The following SP3 variants were observed in gnomAD, a reference collection of about 807,000 sequenced individuals.
SP3 encodes the protein Sp3 transcription factor.
Under a neutral mutation model 70.3 loss-of-function variants are expected in SP3, and 10 were observed. That is an observed-to-expected ratio of 0.14 (90% confidence interval 0.09 to 0.24). The LOEUF (loss-of-function observed/expected upper bound fraction) is 0.24. SP3 is among the 10% of genes least tolerant of loss of function. SP3 has a pLI of 1.00. For synonymous variants in SP3, 402 were observed against 333.5 expected (o/e 1.21, Z -2.24); for missense variants, 825 against 914.6 (o/e 0.90, Z 1.26).
intron 3 of SP3, among the ~76,000 whole-genome samples, chr2:173,961,550 T>C (rs1441707506): frequency 6.6e-6 from 1 of 152,246 alleles, no homozygotes. Flanking sequence ...AATGTTCATG[T>C]CTTAATTTGG....
Position 173,964,490 on chromosome 2 carries a change from CCGCCGCCGCCGCTAT to C in SP3, c.56_70del (p.Asp19_Gly23del), listed in dbSNP as rs779681268. 4 of 698,982 alleles carry C rather than the reference CCGCCGCCGCCGCTAT, an allele frequency of 5.7e-6. No individual in the cohort carries two copies. In the East Asian group the frequency reaches 1.1e-4, roughly 20 times the overall value. 43.3% of individuals were successfully genotyped at this position (698,982 alleles called of 1,614,324 possible). A position where few individuals can be genotyped will look rare whatever the true frequency, so the allele number is the denominator to read the frequency against. On this transcript the variant is annotated inframe_deletion, in exon 2 of 7. Transcript: ENST00000310015. ...CTCGCCGTGGCCGCCGCCGCCGCCACCGCCGCCGCCGCTATCCACGTCCAAGGCAGCCATTTCCTC... is the reference window on the plus strand; with the variant it reads ...CTCGCCGTGGCCGCCGCCGCCGCCACCCACGTCCAAGGCAGCCATTTCCTC...
rs562740830 is a variant in SP3 at position 173,946,315 on chromosome 2, AT to A, written c.1639+8557del. 1.2e-3 allele frequency among the ~76,000 whole-genome samples: 182 copies of A among 146,364 alleles called. 1 individual carries two copies. Among genetic ancestry groups the A allele is most frequent in the Middle Eastern group, 7.0e-3 (2 of 286 alleles). On this transcript the variant is annotated intron_variant, in intron 4 of 6. Transcript: ENST00000310015. ...TATTTCTAAGTTACCAATATTACTG[AT>A]TTTTTTTTTTTAAAGAGATGGGGGT...
intron 4 of SP3, among the ~76,000 whole-genome samples, chr2:173,945,434 C>T (rs1186046526): frequency 6.6e-6 from 1 of 151,920 alleles, no homozygotes; most frequent in African/African-American, 2.4e-5. Flanking sequence ...ATGACTAAAC[C>T]TGAAGGCAAA....
chr2:173,951,526 C>G (rs1690712271), intron 4 of SP3, among the ~76,000 whole-genome samples: 1 of 152,180 alleles, frequency 6.6e-6, no homozygotes, highest in South Asian at 2.1e-4. Context: ...TCTGTAATGT[C>G]TAGAGTGAAT....
At chr2:173,961,755 G>A (rs1475723710) in intron 3 of SP3, among the ~76,000 whole-genome samples, 1 of 152,078 alleles carries the variant, frequency 6.6e-6, no homozygotes, top group Non-Finnish European at 1.5e-5. Flanking sequence ...GAACTCATGT[G>A]AATTTCCTTT....
chr2:173,914,047 TGA>T (rs1478828391), intron 5 of SP3: 1 of 152,032 alleles, frequency 6.6e-6, no homozygotes, highest in Non-Finnish European at 1.5e-5. Context: ...TTAGAAGATA[TGA>T]GATTAGATGG....
At chr2:173,910,661 C>T (rs1475885707) in intron 6 of SP3, among the ~76,000 whole-genome samples, 1 of 152,134 alleles carries the variant, frequency 6.6e-6, no homozygotes, top group Non-Finnish European at 1.5e-5. Flanking sequence ...ATGCCATGTT[C>T]ATGATACTAA....
upstream of SP3, chr2:173,965,374 A>G (rs915350220): frequency 1.0e-5 from 6 of 596,242 alleles, no homozygotes; most frequent in Admixed American, 6.5e-5. Context: ...AGAGGGTGAC[A>G]GCCCGCCCGG....
intron 5 of SP3, among the ~76,000 whole-genome samples, chr2:173,917,291 T>A (rs537771835): frequency 6.6e-6 from 1 of 150,594 alleles, no homozygotes; most frequent in Admixed American, 6.7e-5. Context: ...ACAATTTTAA[T>A]TGACCAAAAT....
intron 6 of SP3, 112 bp from the exon 7 acceptor site, chr2:173,910,369 G>C (rs527398466): frequency 3.9e-6 from 3 of 774,870 alleles, no homozygotes; most frequent in Non-Finnish European, 6.2e-6. Flanking sequence ...ATGGGAGCAG[G>C]GGTCTATTAA....
chr2:173,929,572 T>C (rs952346250), intron 4 of SP3, among the ~76,000 whole-genome samples: 1 of 152,218 alleles, frequency 6.6e-6, no homozygotes, highest in African/African-American at 2.4e-5. Context: ...AGTCAGTAGT[T>C]CATAGCAATT....
chr2:173,964,469 C>G lies in SP3; in HGVS notation c.92G>C (p.Gly31Ala). 1 of 712,450 alleles carries G rather than the reference C, an allele frequency of 1.4e-6. No homozygotes were observed. Among genetic ancestry groups the G allele is most frequent in the South Asian group, 1.5e-5 (1 of 67,530 alleles). 44.1% of individuals were successfully genotyped at this position (712,450 alleles called of 1,614,324 possible). The change falls in exon 2 of 7, where the codon GGC (glycine) becomes GCC (alanine). Residue 31 changes from glycine to alanine, a missense_variant. Gly to Ala is a moderately conservative substitution (Grantham distance 60, BLOSUM62 0). Coordinates refer to ENST00000310015, the MANE Select transcript of SP3 (RefSeq NM_003111.5). ...CTGTTGCTGCTGCTGCAGATACTCG[C>G]CGTGGCCGCCGCCGCCGCCACCGCC... Reference protein sequence around the residue: ...GGGGGGGGGHGEYLQQQQQHG... With the variant: ...GGGGGGGGGHAEYLQQQQQHG...
At chr2:173,950,543 G>C (rs187420000) in intron 4 of SP3, among the ~76,000 whole-genome samples, 584 of 151,936 alleles carry the variant, frequency 3.8e-3, no homozygotes, top group Non-Finnish European at 6.2e-3. Flanking sequence ...GCTGGGCATG[G>C]TGGCGCTAGC....
intron 4 of SP3, among the ~76,000 whole-genome samples, chr2:173,945,852 C>A (rs1244681897): frequency 6.6e-6 from 1 of 152,132 alleles, no homozygotes; most frequent in Non-Finnish European, 1.5e-5. Context: ...AAACGTCAGG[C>A]CTGGTGGCTC....
At position 173,918,616 on chromosome 2, in the gene SP3, G is replaced by A. The variant is rs763134369; in HGVS notation, c.1809C>T (p.Pro603=). ...ACCTTCCACCACCTTCTTTACAGTTGGGACAGGTGCAAGCTACCCTCCGAA... is the reference window on the plus strand; with the variant it reads ...ACCTTCCACCACCTTCTTTACAGTTAGGACAGGTGCAAGCTACCCTCCGAA... ...KRLRRVACTC[P]NCKEGGGRGT... Residue 603 remains proline (P), a synonymous_variant, in exon 5 of 7, where the codon CCC becomes CCT. Coordinates refer to ENST00000310015, the MANE Select transcript of SP3 (RefSeq NM_003111.5). 1.2e-6 allele frequency: 2 copies of A among 1,613,348 alleles called. No individual in the cohort carries two copies. The highest frequency in any genetic ancestry group is 2.2e-5 in the East Asian group (1 of 44,862).
intron 4 of SP3, among the ~76,000 whole-genome samples, chr2:173,953,785 A>AAAC (rs759940814): frequency 0.058 from 3,896 of 66,670 alleles, 111 homozygotes; most frequent in Admixed American, 0.19. Flanking sequence ...AAAACAAAAC[A>AAAC]AAAAAAAAAA....
In SP3 at chr2:173,955,671, C is replaced by T. The variant is rs995893355; in HGVS notation, c.841G>A (p.Gly281Ser). The change falls in exon 4 of 7, where the codon GGC becomes AGC. Residue 281 changes from glycine to serine, a missense_variant. Gly to Ser is a moderately conservative substitution (Grantham distance 56). Coordinates refer to ENST00000310015, the MANE Select transcript of SP3 (RefSeq NM_003111.5). ...SVDLDSLGLS[G>S]SSQTMTAGIN... ...CCTGCAGTCATTGTCTGAGAACTGC[C>T]CGAGAGTCCCAAAGAATCTAGATCG... 3.1e-6 allele frequency: 5 copies of T among 1,614,128 alleles called. No homozygotes were observed. The Admixed American group carries it at 6.7e-5, about 22-fold the overall frequency.
chr2:173,927,830 C>A (rs540307143), intron 4 of SP3, among the ~76,000 whole-genome samples: 5 of 152,124 alleles, frequency 3.3e-5, no homozygotes, highest in Admixed American at 3.3e-4. Context: ...ATATCTTGAA[C>A]AAAAATTTCT....
chr2:173,959,238 ACAAT>A (rs1252977290), intron 3 of SP3, among the ~76,000 whole-genome samples: 3 of 152,160 alleles, frequency 2.0e-5, no homozygotes, highest in East Asian at 1.9e-4. Context: ...CTTGCAAAGC[ACAAT>A]CAAATTTCTT....
Sources: allele counts gnomAD v4.1 joint callset (sites outside exome capture counted in the v4.1 genomes callset), GRCh38; gene constraint gnomAD v4.1.1; transcripts MANE v1.5; gene names NCBI Gene and HGNC (gene_info 2026-07-23, HGNC 2026-07-21).